The following DYM variants were observed in gnomAD, a reference collection of about 807,000 sequenced individuals.
DYM encodes dyggve-Melchior-Clausen syndrome protein.
A neutral mutation model predicts 93.1 loss-of-function variants in DYM; 78 were observed. The ratio of observed to expected loss-of-function variants is 0.84; its 90% CI spans 0.70 to 1.01. DYM has a LOEUF of 1.01. Ranked by LOEUF, DYM falls within the 50% of genes least tolerant of loss-of-function variation. The pLI, the probability that DYM is intolerant of heterozygous loss-of-function variation, is 0.00. For missense variants in DYM, 789 were observed against 845.0 expected (o/e 0.93, Z 0.82); for synonymous variants, 321 against 319.7 (o/e 1.00, Z -0.04).
intron 12 of DYM, among the ~76,000 whole-genome samples, chr18:49,257,858 CA>C (rs11334011): frequency 0.032 from 3,857 of 118,924 alleles, 139 homozygotes; most frequent in African/African-American, 0.1. Context: ...AATCGTAGCT[CA>C]AAAAAAAAAA....
chr18:49,355,962 A>G (rs1418877045), intron 6 of DYM, among the ~76,000 whole-genome samples: 1 of 152,204 alleles, frequency 6.6e-6, no homozygotes, highest in Non-Finnish European at 1.5e-5. Flanking sequence ...GATGAGACAA[A>G]TAACATTTGT....
At chr18:49,263,728 CAAAA>C (rs550618520) in intron 11 of DYM, among the ~76,000 whole-genome samples, 1 of 150,156 alleles carries the variant, frequency 6.7e-6, no homozygotes, top group South Asian at 2.1e-4. Context: ...GATTCTGTCT[CAAAA>C]AAGAAAAAAA....
At chr18:49,246,019 T>C (rs967701597) in intron 13 of DYM, among the ~76,000 whole-genome samples, 2 of 152,252 alleles carry the variant, frequency 1.3e-5, no homozygotes, top group Non-Finnish European at 2.9e-5. Flanking sequence ...ACTTTAAATG[T>C]ATTAACTCAT....
At chr18:49,431,293 T>G (rs1387476451) in intron 1 of DYM, among the ~76,000 whole-genome samples, 1 of 152,240 alleles carries the variant, frequency 6.6e-6, no homozygotes, top group African/African-American at 2.4e-5. Flanking sequence ...TTAGTTGATA[T>G]GCCTCTTCCC....
chr18:49,435,561 G>A (rs1032777457), intron 1 of DYM, among the ~76,000 whole-genome samples: 1 of 152,108 alleles, frequency 6.6e-6, no homozygotes, highest in Non-Finnish European at 1.5e-5. Flanking sequence ...GCTGAGGTGG[G>A]TGGATCACCT....
At chr18:49,145,115 ATATATATATATATATATATAATT>A (rs2084950713) in intron 15 of DYM, among the ~76,000 whole-genome samples, 1 of 90,674 alleles carries the variant, frequency 1.1e-5, no homozygotes, top group African/African-American at 4.6e-5. Flanking sequence ...ATTCATATAT[ATATATATATATATATATATAATT>A]TATATATATA....
chr18:49,203,896 A>C (rs975388720), intron 14 of DYM, among the ~76,000 whole-genome samples: 114 of 135,150 alleles, frequency 8.4e-4, no homozygotes, highest in African/African-American at 2.9e-3. Flanking sequence ...AAAAAAAAAA[A>C]AACAACTCTG....
At chr18:49,457,662 G>A (rs1044164112) in intron 1 of DYM, among the ~76,000 whole-genome samples, 3 of 152,156 alleles carry the variant, frequency 2.0e-5, no homozygotes, top group Non-Finnish European at 4.4e-5. Context: ...CACTGTGGTA[G>A]GTAGAATAAT....
chr18:49,389,134 G>T (rs1448291000), intron 3 of DYM, among the ~76,000 whole-genome samples: 1 of 152,120 alleles, frequency 6.6e-6, no homozygotes, highest in African/African-American at 2.4e-5. Context: ...GATTAGCAGT[G>T]ATTACACATG....
chr18:49,385,523 C>T (rs542863922), intron 3 of DYM, among the ~76,000 whole-genome samples: 4 of 152,082 alleles, frequency 2.6e-5, no homozygotes, highest in African/African-American at 9.7e-5. Context: ...TGGTGAAACT[C>T]CAACTCTACT....
At chr18:49,157,493 T>G (rs2086598222) in intron 15 of DYM, among the ~76,000 whole-genome samples, 2 of 152,194 alleles carry the variant, frequency 1.3e-5, no homozygotes, top group African/African-American at 2.4e-5. Context: ...TCTTTTTGGT[T>G]CTGGCCATCA....
intron 6 of DYM, among the ~76,000 whole-genome samples, chr18:49,336,829 G>T (rs2063710017): frequency 6.6e-6 from 1 of 152,128 alleles, no homozygotes; most frequent in Admixed American, 6.5e-5. Context: ...TAACAGGAGA[G>T]GATTACAGGA....
In DYM at chr18:49,286,440, T is replaced by C. The variant is rs1166022704; in HGVS notation, c.940A>G (p.Thr314Ala). The change falls in exon 9 of 18, where the codon ACA becomes GCA. Residue 314 changes from threonine (T) to alanine (A), a missense_variant. This residue lies in a region of DYM where 450 missense variants were observed against 436.2 expected (regional missense o/e 1.03). Coordinates refer to ENST00000675505, the MANE Select transcript of DYM (RefSeq NM_001353214.3). The part of the protein sequence containing the change: ...YRQAIMSFKN[T>A]QDSSPFPSSI... ...GAGAAAAAATACCACAAACCTTGTG[T>C]GTTCTTGAAGGACATAATGGCTTGT... 2 of 1,614,120 alleles carry C rather than the reference T, an allele frequency of 1.2e-6. No individual in the cohort carries two copies. Among genetic ancestry groups the C allele is most frequent in the African/African-American group, 1.3e-5 (1 of 75,042 alleles).
At chr18:49,260,611 T>C (rs2094474651) in intron 11 of DYM, among the ~76,000 whole-genome samples, 1 of 152,142 alleles carries the variant, frequency 6.6e-6, no homozygotes, top group South Asian at 2.1e-4. Flanking sequence ...GATTAATGAA[T>C]TTGCAGTATA....
At chr18:49,328,819 T>G (rs540636563) in intron 8 of DYM, among the ~76,000 whole-genome samples, 118 of 152,266 alleles carry the variant, frequency 7.7e-4, no homozygotes, top group Non-Finnish European at 1.1e-3. Flanking sequence ...ATAGGAACAC[T>G]TTTACACTGT....
chr18:49,182,416 T>C (rs1460145248), intron 14 of DYM, among the ~76,000 whole-genome samples: 1 of 152,206 alleles, frequency 6.6e-6, no homozygotes, highest in Admixed American at 6.5e-5. Flanking sequence ...TAACTGTAAT[T>C]TGTTTCTCCT....
intron 13 of DYM, among the ~76,000 whole-genome samples, chr18:49,252,803 T>C (rs1280001110): frequency 2.0e-5 from 3 of 152,180 alleles, no homozygotes; most frequent in Non-Finnish European, 4.4e-5. Context: ...TGGAAGTAAA[T>C]GGTATCTTTC....
At chr18:49,421,239 G>A (rs1015495179) in intron 2 of DYM, among the ~76,000 whole-genome samples, 9 of 152,124 alleles carry the variant, frequency 5.9e-5, no homozygotes, top group Non-Finnish European at 1.2e-4. Flanking sequence ...TAACTGGGAG[G>A]CACCTCCCAG....
chr18:49,312,442 C>G (rs1347359758), intron 8 of DYM, among the ~76,000 whole-genome samples: 1 of 152,038 alleles, frequency 6.6e-6, no homozygotes, highest in African/African-American at 2.4e-5. Flanking sequence ...TCACTTTAAC[C>G]TTTTTTGCAT....
Sources: allele counts gnomAD v4.1 joint callset (sites outside exome capture counted in the v4.1 genomes callset), GRCh38; gene constraint gnomAD v4.1.1; regional missense constraint gnomAD v4.1.1; transcripts MANE v1.5; gene names NCBI Gene and HGNC (gene_info 2026-07-23, HGNC 2026-07-21).